DSCAM: variants seen among roughly 807,000 people sequenced by gnomAD.
The protein encoded by DSCAM is cell adhesion molecule DSCAM.
A neutral mutation model predicts 217.7 loss-of-function variants in DSCAM; 47 were observed. The observed-to-expected ratio is 0.22, with a 90% CI of 0.17 to 0.28. DSCAM has a LOEUF of 0.28. Among genes scored for constraint, DSCAM ranks in the 10% least tolerant of loss-of-function variants. The pLI, the probability that DSCAM is intolerant of heterozygous loss-of-function variation, is 1.00. For synonymous variants in DSCAM, 1,056 were observed against 1,015.3 expected (o/e 1.04, Z -0.76); for missense variants, 2,080 against 2,618.3 (o/e 0.79, Z 4.49).
chr21:40,714,711 G>T (rs1568998850), intron 1 of DSCAM, among the ~76,000 whole-genome samples: 2 of 152,180 alleles, frequency 1.3e-5, no homozygotes, highest in Non-Finnish European at 2.9e-5. Flanking sequence ...TGATTCAGAT[G>T]AGACTTTGGA....
At chr21:40,599,112 T>C (rs533820227) in intron 3 of DSCAM, among the ~76,000 whole-genome samples, 64 of 152,298 alleles carry the variant, frequency 4.2e-4, no homozygotes, top group African/African-American at 1.5e-3. Flanking sequence ...CTTTTTCCAA[T>C]ATGTGTTTCA....
At chr21:40,243,242 A>T (rs1385260286) in intron 11 of DSCAM, among the ~76,000 whole-genome samples, 1 of 152,258 alleles carries the variant, frequency 6.6e-6, no homozygotes, top group Non-Finnish European at 1.5e-5. Context: ...CAGATGTACA[A>T]TCATAAAGAA....
intron 1 of DSCAM, among the ~76,000 whole-genome samples, chr21:40,777,830 G>A (rs931933287): frequency 2.0e-5 from 3 of 152,076 alleles, no homozygotes; most frequent in African/African-American, 4.8e-5. Flanking sequence ...AGAAATTTGT[G>A]TCCAAACACA....
chr21:40,319,660 A>G (rs1314808164), intron 8 of DSCAM, among the ~76,000 whole-genome samples: 1 of 152,168 alleles, frequency 6.6e-6, no homozygotes, highest in Non-Finnish European at 1.5e-5. Flanking sequence ...ATTGTTTCCT[A>G]TCATGTCTAC....
At chr21:40,583,768 C>T (rs1267576554) in intron 3 of DSCAM, among the ~76,000 whole-genome samples, 2 of 152,042 alleles carry the variant, frequency 1.3e-5, no homozygotes, top group Non-Finnish European at 2.9e-5. Context: ...TCATTGATAA[C>T]AAATGTACCA....
chr21:40,588,723 G>C (rs2076963528), intron 3 of DSCAM, among the ~76,000 whole-genome samples: 1 of 152,156 alleles, frequency 6.6e-6, no homozygotes, highest in African/African-American at 2.4e-5. Context: ...AAGAAAAAAA[G>C]ACAGGTTGTT....
chr21:40,334,721 A>G (rs371848603), intron 8 of DSCAM, among the ~76,000 whole-genome samples: 134 of 31,596 alleles, frequency 4.2e-3, no homozygotes, highest in African/African-American at 0.017. Flanking sequence ...AGTGCACCAC[A>G]ACCACAACCT....
intron 3 of DSCAM, among the ~76,000 whole-genome samples, chr21:40,607,577 G>C (rs1419531907): frequency 1.3e-5 from 2 of 152,066 alleles, no homozygotes; most frequent in African/African-American, 4.8e-5. Context: ...TGTCATGGGA[G>C]GGGCCCGGTG....
chr21:40,679,631 C>G (rs1379101635), intron 3 of DSCAM, among the ~76,000 whole-genome samples: 1 of 152,226 alleles, frequency 6.6e-6, no homozygotes, highest in East Asian at 1.9e-4. Context: ...ACTGCAAATA[C>G]ATACTCTGAT....
intron 1 of DSCAM, among the ~76,000 whole-genome samples, chr21:40,727,943 G>T (rs67774428): frequency 0.025 from 3,763 of 152,106 alleles, 64 homozygotes; most frequent in Middle Eastern, 0.034. Flanking sequence ...CCCACCTCTG[G>T]GTCTCTGTAC....
intron 10 of DSCAM, among the ~76,000 whole-genome samples, chr21:40,285,666 G>A (rs951631377): frequency 2.2e-4 from 34 of 152,138 alleles, no homozygotes; most frequent in Non-Finnish European, 4.0e-4. Context: ...TTATTTCTTT[G>A]TGAGGCCCCT....
intron 3 of DSCAM, among the ~76,000 whole-genome samples, chr21:40,589,524 C>T (rs1246892061): frequency 2.0e-5 from 3 of 151,396 alleles, no homozygotes; most frequent in African/African-American, 7.3e-5. Flanking sequence ...TGCAGTGAGC[C>T]GAGATCACAC....
intron 8 of DSCAM, among the ~76,000 whole-genome samples, chr21:40,324,595 G>T (rs1234873159): frequency 6.6e-6 from 1 of 152,060 alleles, no homozygotes; most frequent in Non-Finnish European, 1.5e-5. Context: ...TGTTGAAATA[G>T]TTTCTTTAAA....
chr21:40,050,041 C>A lies in DSCAM; in HGVS notation c.5185+1917G>T, dbSNP rs575717141. On this transcript the variant is annotated intron_variant, in intron 30 of 32. Transcript: ENST00000400454. ...AACTGATGTGCCGGAGGGGTCCTGC[C>A]CTGCTGCGTTACATGCAGGAAACAT... Among the ~76,000 whole-genome samples the A allele has an allele frequency of 1.0e-3, 152 of 152,310 alleles. 2 individuals are homozygous for A. Among genetic ancestry groups the A allele is most frequent in the Non-Finnish European group, 1.2e-4 (8 of 68,026 alleles).
intron 3 of DSCAM, among the ~76,000 whole-genome samples, chr21:40,657,117 G>A (rs967736339): frequency 5.9e-5 from 9 of 152,192 alleles, no homozygotes; most frequent in African/African-American, 1.7e-4. Context: ...ATGAGCCACT[G>A]GGCATAAGAG....
intron 3 of DSCAM, among the ~76,000 whole-genome samples, chr21:40,537,499 CA>C (rs752747380): frequency 6.6e-6 from 1 of 152,246 alleles, no homozygotes; most frequent in East Asian, 1.9e-4. Flanking sequence ...CCACCCCCAC[CA>C]AAAAACTCAC....
chr21:40,622,438 A>C (rs961094167), intron 3 of DSCAM, among the ~76,000 whole-genome samples: 31 of 152,062 alleles, frequency 2.0e-4, no homozygotes, highest in African/African-American at 7.2e-4. Flanking sequence ...ATAGGGGTTT[A>C]ATTGGTTTCC....
intron 3 of DSCAM, among the ~76,000 whole-genome samples, chr21:40,452,444 TAA>T (rs1189721905): frequency 6.6e-6 from 1 of 152,032 alleles, no homozygotes. Flanking sequence ...GTTAAGAAGT[TAA>T]AGAGTGATAT....
chr21:40,535,386 G>GT (rs1430349481), intron 3 of DSCAM, among the ~76,000 whole-genome samples: 1 of 152,182 alleles, frequency 6.6e-6, no homozygotes, highest in African/African-American at 2.4e-5. Context: ...GTGATGGCGT[G>GT]TGTTCAGATC....
Sources: allele counts gnomAD v4.1 joint callset (sites outside exome capture counted in the v4.1 genomes callset), GRCh38; gene constraint gnomAD v4.1.1; transcripts MANE v1.5; gene names NCBI Gene and HGNC (gene_info 2026-07-23, HGNC 2026-07-21).